ERBB4: variants seen among roughly 807,000 people sequenced by gnomAD.
ERBB4 encodes the protein erb-b2 receptor tyrosine kinase 4.
ERBB4 carries 42 observed loss-of-function variants against 158.0 expected under a neutral mutation model. That is an observed-to-expected ratio of 0.27 (90% CI 0.21 to 0.34). ERBB4 has a LOEUF of 0.34. Ranked by LOEUF, ERBB4 falls within the 10% of genes least tolerant of loss-of-function variation. The pLI is 1.00. For synonymous variants in ERBB4, 583 were observed against 558.7 expected, an observed-to-expected ratio of 1.04 and a Z score of -0.61; for missense variants, 1,333 against 1,624.1, an observed-to-expected ratio of 0.82 and a Z score of 3.08.
At chr2:212,501,761 A>C (rs1690904753) in intron 1 of ERBB4, among the ~76,000 whole-genome samples, 1 of 152,078 alleles carries the variant, frequency 6.6e-6, no homozygotes, top group Admixed American at 6.6e-5. Context: ...ACTTTAGTGT[A>C]CTCTAGAGAC....
chr2:211,643,324 A>G (rs778030035), intron 16 of ERBB4, among the ~76,000 whole-genome samples: 2 of 152,114 alleles, frequency 1.3e-5, no homozygotes, highest in African/African-American at 2.4e-5. Flanking sequence ...CACTCAGTGT[A>G]CTATCAAAAC....
intron 2 of ERBB4, among the ~76,000 whole-genome samples, chr2:212,038,166 T>G (rs2077058024): frequency 6.6e-6 from 1 of 152,056 alleles, no homozygotes; most frequent in South Asian, 2.1e-4. Flanking sequence ...GGAGGTAGCT[T>G]TAAAAATGTG....
At chr2:211,806,988 C>A (rs1002229721) in intron 3 of ERBB4, among the ~76,000 whole-genome samples, 8 of 151,828 alleles carry the variant, frequency 5.3e-5, no homozygotes, top group African/African-American at 1.7e-4. Flanking sequence ...TTTTACACAA[C>A]AAAAACGTCA....
intron 16 of ERBB4, 29 bp from the exon 17 acceptor site, chr2:211,630,623 T>C (rs372399051): frequency 2.6e-6 from 4 of 1,550,370 alleles, no homozygotes; most frequent in Non-Finnish European, 2.6e-6. Context: ...AAAAAAAAAA[T>C]AAAAAGTATG....
At chr2:211,617,274 T>C (rs952029847) in intron 19 of ERBB4, among the ~76,000 whole-genome samples, 13 of 152,084 alleles carry the variant, frequency 8.5e-5, no homozygotes, top group African/African-American at 2.9e-4. Context: ...TTTCTACCAG[T>C]TTTATAAATT....
At chr2:211,457,198 C>T (rs2064403910) in intron 20 of ERBB4, among the ~76,000 whole-genome samples, 3 of 152,260 alleles carry the variant, frequency 2.0e-5, no homozygotes, top group African/African-American at 7.2e-5. Context: ...GTAATCAGTT[C>T]TTGTGATGCA....
In ERBB4 at chr2:211,634,125, A is replaced by T. The variant is rs77942783; in HGVS notation, c.1947-3531T>A. ...AATGAGTATTTTCTAATTTTTTATG[A>T]TCCATTTATATTCCTTTTGAAATAA... On this transcript the variant is annotated intron_variant, in intron 16 of 27. Coordinates refer to ENST00000342788, the MANE Select transcript of ERBB4 (RefSeq NM_005235.3). 8.7e-3 allele frequency among the ~76,000 whole-genome samples: 1,324 copies of T among 152,262 alleles called. 17 individuals are homozygous for T. The highest frequency in any genetic ancestry group is 0.03 in the African/African-American group (1,258 of 41,554).
intron 4 of ERBB4, among the ~76,000 whole-genome samples, chr2:211,752,341 A>C (rs1284491467): frequency 6.6e-6 from 1 of 152,060 alleles, no homozygotes; most frequent in Non-Finnish European, 1.5e-5. Flanking sequence ...ATTTGGTATA[A>C]TCCTCTAAAT....
chr2:211,416,601 C>T (rs2063398370), intron 25 of ERBB4, among the ~76,000 whole-genome samples: 1 of 152,078 alleles, frequency 6.6e-6, no homozygotes, highest in South Asian at 2.1e-4. Flanking sequence ...TAGTAACAAC[C>T]CAGGAAGCTA....
intron 1 of ERBB4, among the ~76,000 whole-genome samples, chr2:212,367,819 A>T (rs1655639326): frequency 6.6e-6 from 1 of 152,168 alleles, no homozygotes; most frequent in Admixed American, 6.6e-5. Flanking sequence ...TGGCCAACAA[A>T]CATATGAAAA....
At chr2:211,843,288 T>C (rs923720379) in intron 3 of ERBB4, among the ~76,000 whole-genome samples, 3 of 152,170 alleles carry the variant, frequency 2.0e-5, no homozygotes, top group Non-Finnish European at 1.5e-5. Context: ...AGCTTTCATA[T>C]TGGGTGAAGA....
At chr2:211,639,485 G>C (rs563268298) in intron 16 of ERBB4, among the ~76,000 whole-genome samples, 25 of 152,158 alleles carry the variant, frequency 1.6e-4, no homozygotes, top group Non-Finnish European at 3.7e-4. Flanking sequence ...AGTGGGAGAG[G>C]GATAAATCAT....
At chr2:211,724,065 C>A (rs2074186963) in intron 6 of ERBB4, among the ~76,000 whole-genome samples, 1 of 152,188 alleles carries the variant, frequency 6.6e-6, no homozygotes, top group Non-Finnish European at 1.5e-5. Flanking sequence ...GAAACACCTG[C>A]AGTGTTCAAT....
intron 2 of ERBB4, among the ~76,000 whole-genome samples, chr2:212,026,609 T>C (rs1283858430): frequency 2.0e-5 from 3 of 151,898 alleles, no homozygotes; most frequent in Non-Finnish European, 4.4e-5. Context: ...TAAAAATCAG[T>C]GTACATGATG....
intron 1 of ERBB4, among the ~76,000 whole-genome samples, chr2:212,443,529 A>T (rs879941948): frequency 2.6e-5 from 4 of 152,166 alleles, no homozygotes; most frequent in Admixed American, 2.6e-4. Context: ...GTAGGCCTAT[A>T]TGGATTTTGG....
In ERBB4 at chr2:211,424,040, A is replaced by ATTG. The variant is rs1163039784; in HGVS notation, c.2866+112_2866+114dup. 5 of 1,033,044 alleles carry ATTG rather than the reference A, an allele frequency of 4.8e-6. No individual in the cohort carries two copies. The African/African-American group carries it at 7.9e-5, about 16-fold the overall frequency. 64.0% of individuals were successfully genotyped at this position (1,033,044 alleles called of 1,614,324 possible). Reference sequence around the variant, plus strand: ...GAGGCGTTCATATGTTCCTTTCATAATTGTTTTTGAACTGTCGTATTTTTC... The same window carrying ATTG: ...GAGGCGTTCATATGTTCCTTTCATAATTGTTGTTTTTGAACTGTCGTATTTTTC... On this transcript the variant is annotated intron_variant, in intron 23 of 27. Coordinates refer to ENST00000342788, the MANE Select transcript of ERBB4 (RefSeq NM_005235.3).
At chr2:212,056,298 CT>C (rs1473897488) in intron 2 of ERBB4, among the ~76,000 whole-genome samples, 3 of 152,170 alleles carry the variant, frequency 2.0e-5, no homozygotes, top group Non-Finnish European at 2.9e-5. Flanking sequence ...AAATCTACAT[CT>C]GATTGGTGTA....
At chr2:211,686,180 C>G (rs941724470) in intron 12 of ERBB4, among the ~76,000 whole-genome samples, 2 of 151,904 alleles carry the variant, frequency 1.3e-5, no homozygotes, top group African/African-American at 2.4e-5. Flanking sequence ...TTTTCTTGTT[C>G]CCAATCTAGT....
At chr2:212,048,314 T>A (rs975826191) in intron 2 of ERBB4, among the ~76,000 whole-genome samples, 2 of 152,180 alleles carry the variant, frequency 1.3e-5, no homozygotes, top group African/African-American at 2.4e-5. Flanking sequence ...CACTGTGTAA[T>A]TGGTTTTCAC....
Sources: allele counts gnomAD v4.1 joint callset (sites outside exome capture counted in the v4.1 genomes callset), GRCh38; gene constraint gnomAD v4.1.1; transcripts MANE v1.5; gene names NCBI Gene and HGNC (gene_info 2026-07-23, HGNC 2026-07-21).